The following NNT variants were observed in gnomAD, a reference collection of about 807,000 sequenced individuals.
The protein encoded by NNT is nicotinamide nucleotide transhydrogenase.
Under a neutral mutation model 104.8 loss-of-function variants are expected in NNT, and 50 were observed. The ratio of observed to expected loss-of-function variants is 0.48; its 90% CI spans 0.38 to 0.60. The LOEUF is 0.60. NNT is among the 20% of genes least tolerant of loss of function. NNT has a pLI of 0.00. For missense variants in NNT, 1,131 were observed against 1,330.7 expected, an observed-to-expected ratio of 0.85 and a Z score of 2.33; for synonymous variants, 461 against 490.4, an observed-to-expected ratio of 0.94 and a Z score of 0.79.
chr5:43,700,062 T>G (rs999198396), intron 19 of NNT, 57 bp from the exon 20 acceptor site: 1 of 1,329,358 alleles, frequency 7.5e-7, no homozygotes, highest in Non-Finnish European at 1.1e-6. Context: ...GATATTGGGG[T>G]CTCTGTACAT....
At chr5:43,675,442 A>G in intron 17 of NNT, 69 bp from the exon 18 acceptor site, 2 of 1,326,892 alleles carry the variant, frequency 1.5e-6, no homozygotes, top group Non-Finnish European at 1.0e-6. Flanking sequence ...TATCATATAC[A>G]CAACATTTGT....
chr5:43,640,373 G>A (rs887863485), intron 7 of NNT, among the ~76,000 whole-genome samples: 1 of 151,978 alleles, frequency 6.6e-6, no homozygotes, highest in Non-Finnish European at 1.5e-5. Context: ...TGCCCTAACC[G>A]CATAGCTTCA....
At chr5:43,653,284 G>T in intron 14 of NNT, 71 bp downstream of exon 14, 1 of 1,354,570 alleles carries the variant, frequency 7.4e-7, no homozygotes, top group Non-Finnish European at 9.9e-7. Flanking sequence ...GGTCCATATT[G>T]ATGAAATAAT....
intron 5 of NNT, among the ~76,000 whole-genome samples, chr5:43,620,445 C>G (rs1190075383): frequency 1.3e-5 from 2 of 152,058 alleles, no homozygotes; most frequent in Admixed American, 1.3e-4. Flanking sequence ...TGGTCTCGAA[C>G]TCTTGACCTT....
chr5:43,611,207 G>T (rs1231066176), intron 2 of NNT, among the ~76,000 whole-genome samples: 1 of 151,170 alleles, frequency 6.6e-6, no homozygotes, highest in Non-Finnish European at 1.5e-5. Context: ...TTATCTATAA[G>T]TTCCCCTCTC....
intron 7 of NNT, among the ~76,000 whole-genome samples, chr5:43,631,622 T>G (rs1750682366): frequency 6.6e-6 from 1 of 152,052 alleles, no homozygotes; most frequent in African/African-American, 2.4e-5. Context: ...TTGAATAGAG[T>G]ATATAGATTT....
At chr5:43,607,984 G>A (rs553709529) in intron 1 of NNT, among the ~76,000 whole-genome samples, 1 of 151,772 alleles carries the variant, frequency 6.6e-6, no homozygotes, top group East Asian at 1.9e-4. Context: ...AGGCTGGAGT[G>A]CAGTGGTGCA....
intron 7 of NNT, among the ~76,000 whole-genome samples, chr5:43,635,375 T>A (rs1317452988): frequency 6.6e-6 from 1 of 152,084 alleles, no homozygotes; most frequent in Non-Finnish European, 1.5e-5. Context: ...ATAGGGAAAG[T>A]GGGATGGAGG....
At chr5:43,679,622 C>G (rs1320378965) in intron 19 of NNT, among the ~76,000 whole-genome samples, 1 of 152,094 alleles carries the variant, frequency 6.6e-6, no homozygotes, top group Non-Finnish European at 1.5e-5. Context: ...TTTTTTGTTT[C>G]TGATCTGATT....
intron 14 of NNT, among the ~76,000 whole-genome samples, chr5:43,654,401 C>T (rs1174203987): frequency 2.0e-5 from 3 of 152,196 alleles, no homozygotes; most frequent in African/African-American, 7.2e-5. Flanking sequence ...TTGTGAATAG[C>T]ACAAATAATT....
intron 5 of NNT, among the ~76,000 whole-genome samples, chr5:43,623,582 AC>A (rs1293383768): frequency 2.5e-4 from 38 of 152,234 alleles, no homozygotes; most frequent in Admixed American, 2.2e-3. Flanking sequence ...CCAATGTTGT[AC>A]CCATCTTTGA....
intron 4 of NNT, among the ~76,000 whole-genome samples, chr5:43,617,770 A>G (rs778151350): frequency 6.6e-6 from 1 of 152,226 alleles, no homozygotes; most frequent in Non-Finnish European, 1.5e-5. Context: ...TTAATTTCTT[A>G]CAGTGGCCTT....
rs557540556 is a variant in NNT at position 43,609,561 on chromosome 5, AAAAC to A, written c.151+227_151+230del. Among the ~76,000 whole-genome samples, 361 of 152,342 alleles carry A rather than the reference AAAAC, an allele frequency of 2.4e-3. 1 individual carries two copies. Among genetic ancestry groups the A allele is most frequent in the African/African-American group, 8.1e-3 (338 of 41,574 alleles). On this transcript the variant is annotated intron_variant, in intron 2 of 21. Transcript: ENST00000344920. ...TAACAGAGAAGACAAGGTAATAGAAAAAACAAACAAACAAAAAAGATAAACCAGT... is the reference window on the plus strand; with the variant it reads ...TAACAGAGAAGACAAGGTAATAGAAAAAACAAACAAAAAAGATAAACCAGT...
chr5:43,621,445 G>A (rs541560863), intron 5 of NNT, among the ~76,000 whole-genome samples: 2 of 152,312 alleles, frequency 1.3e-5, no homozygotes, highest in South Asian at 2.1e-4. Flanking sequence ...TGGGGATATG[G>A]CATGAACAAG....
At chr5:43,651,605 GTTACT>G in intron 12 of NNT, 129 bp from the exon 13 acceptor site, 1 of 994,310 alleles carries the variant, frequency 1.0e-6, no homozygotes, top group Non-Finnish European at 1.5e-6. Context: ...GTTGCAAAAT[GTTACT>G]TTAAATTATA....
chr5:43,668,986 G>T (rs1740880108), intron 17 of NNT, among the ~76,000 whole-genome samples: 1 of 152,090 alleles, frequency 6.6e-6, no homozygotes, highest in East Asian at 1.9e-4. Flanking sequence ...TCCTTGAAGA[G>T]GTCCTTCACA....
intron 19 of NNT, among the ~76,000 whole-genome samples, chr5:43,698,983 T>G (rs62368578): frequency 0.072 from 11,006 of 151,882 alleles, 558 homozygotes; most frequent in East Asian, 0.2. Flanking sequence ...TGGATGGATC[T>G]CTTCCAAGAG....
intron 16 of NNT, among the ~76,000 whole-genome samples, chr5:43,658,051 C>G (rs1180024384): frequency 5.9e-5 from 9 of 152,030 alleles, no homozygotes; most frequent in Admixed American, 4.6e-4. Context: ...AGGAGAATCG[C>G]TTGAACCTGG....
intron 17 of NNT, among the ~76,000 whole-genome samples, chr5:43,668,221 G>A (rs1017232924): frequency 6.8e-6 from 1 of 146,434 alleles, no homozygotes; most frequent in Non-Finnish European, 1.5e-5. Flanking sequence ...CATTCTGTAG[G>A]TTGCCTATTC....
Sources: gnomAD v4.1 joint callset for allele counts (sites outside exome capture counted in the v4.1 genomes callset) on GRCh38, gnomAD v4.1.1 for gene constraint, MANE v1.5 for transcripts, NCBI Gene and HGNC (gene_info 2026-07-23, HGNC 2026-07-21) for gene names.